Variants in IGSF21 observed in about 807,000 individuals in gnomAD.
The protein encoded by IGSF21 is immunoglobulin superfamily member 21.
Under a neutral mutation model 46.8 loss-of-function variants are expected in IGSF21, and 28 were observed. The ratio of observed to expected loss-of-function variants is 0.60; its 90% CI spans 0.44 to 0.82. The LOEUF (loss-of-function observed/expected upper bound fraction) is 0.82, where lower values mean the gene tolerates loss of function less well. Among genes scored for constraint, IGSF21 ranks in the 40% least tolerant of loss-of-function variants. IGSF21 has a pLI of 0.00. For missense variants in IGSF21, 624 were observed against 665.5 expected, an observed-to-expected ratio of 0.94 and a Z score of 0.69; for synonymous variants, 284 against 273.6, an observed-to-expected ratio of 1.04 and a Z score of -0.38.
At chr1:18,208,412 C>A (rs2084355339) in intron 1 of IGSF21, among the ~76,000 whole-genome samples, 3 of 63,942 alleles carry the variant, frequency 4.7e-5, no homozygotes. Context: ...GAGACGGAGT[C>A]TTGCTGTCTC....
rs150815051 is a variant in IGSF21 at position 18,365,256 on chromosome 1, G to T, written c.574G>T (p.Ala192Ser). 369 of 1,610,998 alleles carry T rather than the reference G, an allele frequency of 2.3e-4. 1 individual carries two copies. The highest frequency in any genetic ancestry group is 3.0e-4 in the Non-Finnish European group (352 of 1,178,326). The change falls in exon 6 of 10, where the codon GCA (alanine) becomes TCA (serine). Residue 192 changes from alanine to serine, a missense_variant. Physicochemically the swap from Ala to Ser is moderately conservative, Grantham distance 99 (BLOSUM62 1). Transcript: ENST00000251296. The surrounding 1 kb of genome is among the most constrained non-coding windows in gnomAD (Gnocchi z 4.8). ...YFKRDGEPID[A>S]VPLSEPPAAS... ...CAAACGAGATGGGGAACCAATCGAC[G>T]CAGTGCCCCTATCAGAGCCACCAGC...
intron 1 of IGSF21, among the ~76,000 whole-genome samples, chr1:18,175,856 T>G (rs1316657361): frequency 1.3e-5 from 2 of 152,226 alleles, no homozygotes; most frequent in Non-Finnish European, 2.9e-5. Context: ...ACGCACTGAT[T>G]AAAATAATTG....
chr1:18,134,464 C>T (rs957598568), intron 1 of IGSF21, among the ~76,000 whole-genome samples: 2 of 152,180 alleles, frequency 1.3e-5, no homozygotes, highest in African/African-American at 4.8e-5. Context: ...GCCAGCTCAT[C>T]TCCCTGGGGG....
intron 1 of IGSF21, among the ~76,000 whole-genome samples, chr1:18,210,545 G>A (rs2084380858): frequency 6.6e-6 from 1 of 152,114 alleles, no homozygotes; most frequent in African/African-American, 2.4e-5. Flanking sequence ...TCCTGGTGTT[G>A]GAGACTCTCT....
At chr1:18,316,959 C>T (rs1483954905) in intron 3 of IGSF21, among the ~76,000 whole-genome samples, 1 of 152,186 alleles carries the variant, frequency 6.6e-6, no homozygotes, top group Non-Finnish European at 1.5e-5. Context: ...CAGAGTGGCT[C>T]ATGGAGGTAA....
At chr1:18,118,619 C>A (rs2086208019) in intron 1 of IGSF21, among the ~76,000 whole-genome samples, 1 of 152,192 alleles carries the variant, frequency 6.6e-6, no homozygotes, top group Non-Finnish European at 1.5e-5. Context: ...AAGGCAGTCA[C>A]CCCACAAAGA....
intron 1 of IGSF21, among the ~76,000 whole-genome samples, chr1:18,133,221 GC>G: frequency 6.6e-6 from 1 of 152,324 alleles, no homozygotes; most frequent in Non-Finnish European, 1.5e-5. Context: ...CAGGCCTCTG[GC>G]CCCAGCCCCA....
intron 2 of IGSF21, among the ~76,000 whole-genome samples, chr1:18,239,490 G>C (rs894798081): frequency 3.2e-4 from 48 of 152,100 alleles, no homozygotes; most frequent in African/African-American, 1.1e-3. Context: ...TCACCTGAAA[G>C]ACCAAGTTCA....
At chr1:18,203,396 C>T (rs1451254815) in intron 1 of IGSF21, among the ~76,000 whole-genome samples, 1 of 152,166 alleles carries the variant, frequency 6.6e-6, no homozygotes, top group African/African-American at 2.4e-5. Context: ...GTAGCCACCG[C>T]CATCCAGGTT....
chr1:18,189,132 G>A (rs1260489801), intron 1 of IGSF21, among the ~76,000 whole-genome samples: 1 of 152,250 alleles, frequency 6.6e-6, no homozygotes, highest in Non-Finnish European at 1.5e-5. Context: ...AGTGGCAGCA[G>A]GCCCAAGGCC....
At chr1:18,355,985 G>A (rs2086014237) in intron 4 of IGSF21, among the ~76,000 whole-genome samples, 1 of 151,928 alleles carries the variant, frequency 6.6e-6, no homozygotes, top group African/African-American at 2.4e-5. Flanking sequence ...ATAAGCATGT[G>A]TCACCACACC....
intron 4 of IGSF21, among the ~76,000 whole-genome samples, chr1:18,345,635 C>T (rs565941628): frequency 1.3e-5 from 2 of 152,304 alleles, no homozygotes; most frequent in Admixed American, 6.5e-5. Context: ...CCAACTACTT[C>T]GGCCTCCCAA....
rs61308002 is a variant in IGSF21, at chr1:18,153,296, C to A, written c.70+45098C>A. Among the ~76,000 whole-genome samples the A allele has an allele frequency of 4.6e-3, 696 of 152,354 alleles. 12 individuals carry two copies. The highest frequency in any genetic ancestry group is 0.016 in the African/African-American group (664 of 41,586). ...GTTTTGTCCTCTTGGAGATGTCCAT[C>A]CCATTAGCATCCACACACGGCCCTA... On this transcript the variant is annotated intron_variant, in intron 1 of 9. Coordinates refer to ENST00000251296, the MANE Select transcript of IGSF21 (RefSeq NM_032880.5).
At chr1:18,273,331 A>ACGCCCTTTCCTTTCCTTTCCT (rs111860382) in intron 2 of IGSF21, among the ~76,000 whole-genome samples, 1 of 54,140 alleles carries the variant, frequency 1.8e-5, no homozygotes, top group African/African-American at 7.3e-5. Flanking sequence ...ATGAGCCACC[A>ACGCCCTTTCCTTTCCTTTCCT]TTCCTTTCCT....
rs1026044001 is a variant in IGSF21, at chr1:18,251,786, A to C, written c.183+23776A>C. On this transcript the variant is annotated intron_variant, in intron 2 of 9. Coordinates refer to ENST00000251296, the MANE Select transcript of IGSF21 (RefSeq NM_032880.5). ...ACTAGGAGAGCTAAGAGGCTCTCCT[A>C]GTCTTCCTGATGAGGGATGATGGTG... 2.0e-5 allele frequency among the ~76,000 whole-genome samples: 3 copies of C among 152,134 alleles called. No individual in the cohort carries two copies. The East Asian group carries it at 5.8e-4, about 29-fold the overall frequency.
chr1:18,133,558 C>T (rs564768956), intron 1 of IGSF21, among the ~76,000 whole-genome samples: 111 of 152,338 alleles, frequency 7.3e-4, no homozygotes, highest in African/African-American at 2.5e-3. Context: ...TCCATGCTGC[C>T]GCTTTCAGGT....
At chr1:18,164,491 T>C (rs2086658881) in intron 1 of IGSF21, among the ~76,000 whole-genome samples, 1 of 152,060 alleles carries the variant, frequency 6.6e-6, no homozygotes, top group African/African-American at 2.4e-5. Context: ...GGTTGTACAA[T>C]TTACGCTCCC....
intron 1 of IGSF21, among the ~76,000 whole-genome samples, chr1:18,176,405 C>T (rs542569098): frequency 6.6e-6 from 1 of 152,340 alleles, no homozygotes; most frequent in East Asian, 1.9e-4. Context: ...GTCTGGTCTC[C>T]CCCAGGCTCT....
intron 4 of IGSF21, among the ~76,000 whole-genome samples, chr1:18,343,050 C>T (rs2085858858): frequency 6.6e-6 from 1 of 152,202 alleles, no homozygotes; most frequent in African/African-American, 2.4e-5. Flanking sequence ...GTTATATTCC[C>T]ACCAACTGCA....
Sources: allele counts gnomAD v4.1 joint callset (sites outside exome capture counted in the v4.1 genomes callset), GRCh38; gene constraint gnomAD v4.1.1; non-coding constraint Gnocchi (gnomAD v3.1); transcripts MANE v1.5; gene names NCBI Gene and HGNC (gene_info 2026-07-23, HGNC 2026-07-21).